The following LHFPL3 variants were observed in gnomAD, a reference collection of about 807,000 sequenced individuals.
The protein encoded by LHFPL3 is LHFPL tetraspan subfamily member 3 protein.
Under a neutral mutation model 19.3 loss-of-function variants are expected in LHFPL3, and 5 were observed. That is an observed-to-expected ratio of 0.26 (90% CI 0.14 to 0.54). The LOEUF (loss-of-function observed/expected upper bound fraction) is 0.54. Among genes scored for constraint, LHFPL3 ranks in the 20% least tolerant of loss-of-function variants. The pLI is 0.94. For missense variants in LHFPL3, 249 were observed against 307.4 expected (o/e 0.81, Z 1.42); for synonymous variants, 133 against 126.2 (o/e 1.05, Z -0.36).
At chr7:104,535,371 G>A (rs1436708545) in intron 1 of LHFPL3, among the ~76,000 whole-genome samples, 1 of 152,146 alleles carries the variant, frequency 6.6e-6, no homozygotes, top group Non-Finnish European at 1.5e-5. Flanking sequence ...CCAATGAAAT[G>A]TATCAAAATG....
intron 2 of LHFPL3, among the ~76,000 whole-genome samples, chr7:104,864,094 A>G (rs1445368137): frequency 1.3e-5 from 2 of 152,236 alleles, no homozygotes; most frequent in East Asian, 1.9e-4. Context: ...AAACTTCAAC[A>G]AATAAACAGA....
At chr7:104,662,558 G>T (rs1562960553) in intron 1 of LHFPL3, among the ~76,000 whole-genome samples, 2 of 152,108 alleles carry the variant, frequency 1.3e-5, no homozygotes, top group Admixed American at 1.3e-4. Flanking sequence ...CTCTATAACT[G>T]TGTCTCATGA....
chr7:104,849,488 C>T (rs2116610678), intron 2 of LHFPL3, among the ~76,000 whole-genome samples: 1 of 152,316 alleles, frequency 6.6e-6, no homozygotes, highest in East Asian at 1.9e-4. Flanking sequence ...GGGCCAAGGC[C>T]CTTGGCCCAC....
At chr7:104,454,447 C>T (rs576826456) in intron 1 of LHFPL3, among the ~76,000 whole-genome samples, 35 of 152,278 alleles carry the variant, frequency 2.3e-4, no homozygotes, top group African/African-American at 7.7e-4. Flanking sequence ...CTGCTAGTCC[C>T]TACTTGAGTT....
intron 1 of LHFPL3, among the ~76,000 whole-genome samples, chr7:104,454,500 C>T (rs1422652848): frequency 2.6e-5 from 4 of 152,104 alleles, no homozygotes; most frequent in Non-Finnish European, 4.4e-5. Flanking sequence ...TCAGGAGTAC[C>T]TAGAGGTAAT....
chr7:104,444,012 A>G lies in LHFPL3; in HGVS notation c.445+114788A>G, dbSNP rs1792278764. ...CATTGATCATCGCTGTGTAATATGG[A>G]TTTGCAAATTGGCACAGCCTTTGGG... On this transcript the variant is annotated intron_variant, in intron 1 of 2. Transcript: ENST00000424859. Among the ~76,000 whole-genome samples the G allele has an allele frequency of 3.3e-5, 5 of 152,230 alleles. No individual in the cohort carries two copies. In the South Asian group the frequency reaches 1.0e-3, roughly 32 times the overall value.
intron 2 of LHFPL3, among the ~76,000 whole-genome samples, chr7:104,818,252 C>T (rs188023226): frequency 9.2e-5 from 14 of 152,196 alleles, no homozygotes; most frequent in Admixed American, 8.5e-4. Flanking sequence ...CTTTACCACC[C>T]TCTAGGTAAC....
chr7:104,637,363 A>G (rs571132448), intron 1 of LHFPL3, among the ~76,000 whole-genome samples: 90 of 152,180 alleles, frequency 5.9e-4, no homozygotes, highest in African/African-American at 1.9e-3. Flanking sequence ...TTCTTTTGCC[A>G]TGCAGAAGCT....
chr7:104,801,489 T>A (rs533284104), intron 2 of LHFPL3, among the ~76,000 whole-genome samples: 4 of 152,362 alleles, frequency 2.6e-5, no homozygotes, highest in African/African-American at 9.6e-5. Flanking sequence ...CTATTTTAAC[T>A]TGGAAGAGAC....
At chr7:104,662,411 G>A (rs769229778) in intron 1 of LHFPL3, among the ~76,000 whole-genome samples, 5 of 152,142 alleles carry the variant, frequency 3.3e-5, no homozygotes, top group Non-Finnish European at 7.4e-5. Context: ...AAGTATGCAA[G>A]TGCTATTATT....
chr7:104,575,320 G>C (rs143079859), intron 1 of LHFPL3, among the ~76,000 whole-genome samples: 1 of 151,764 alleles, frequency 6.6e-6, no homozygotes, highest in Non-Finnish European at 1.5e-5. Flanking sequence ...TCTGTTCAAG[G>C]GTTTTCATTA....
chr7:104,503,744 A>C (rs1009761901), intron 1 of LHFPL3, among the ~76,000 whole-genome samples: 1 of 152,016 alleles, frequency 6.6e-6, no homozygotes, highest in Middle Eastern at 3.4e-3. Flanking sequence ...TAATTTTTGT[A>C]TTTTTGGTAG....
Position 104,601,757 on chromosome 7 carries a change from G to T in LHFPL3, c.446-134918G>T, listed in dbSNP as rs145610791. The stretch of plus-strand genomic sequence containing the variant: ...CTCCAGTTAGAGTGCCCCAAGAACA[G>T]CCAGACCTGGTCCTCACCATACTTT... On this transcript the variant is annotated intron_variant, in intron 1 of 2. Transcript: ENST00000424859. 2.6e-3 allele frequency among the ~76,000 whole-genome samples: 391 copies of T among 152,228 alleles called. 1 individual carries two copies. Among genetic ancestry groups the T allele is most frequent in the African/African-American group, 7.1e-3 (296 of 41,538 alleles).
intron 2 of LHFPL3, among the ~76,000 whole-genome samples, chr7:104,870,274 G>A (rs1791807204): frequency 6.6e-6 from 1 of 152,124 alleles, no homozygotes; most frequent in South Asian, 2.1e-4. Context: ...ACAAAAGACA[G>A]CATTGAATAC....
intron 1 of LHFPL3, among the ~76,000 whole-genome samples, chr7:104,609,780 G>A (rs1431184724): frequency 6.6e-6 from 1 of 152,144 alleles, no homozygotes; most frequent in Non-Finnish European, 1.5e-5. Context: ...AAAAAGTGCA[G>A]TAATTTAATA....
chr7:104,814,000 T>C (rs1790521432), intron 2 of LHFPL3, among the ~76,000 whole-genome samples: 1 of 152,236 alleles, frequency 6.6e-6, no homozygotes, highest in African/African-American at 2.4e-5. Context: ...GGGTCCCAAG[T>C]TCTTGTCCTG....
At chr7:104,425,684 A>G (rs1009037201) in intron 1 of LHFPL3, among the ~76,000 whole-genome samples, 1 of 152,196 alleles carries the variant, frequency 6.6e-6, no homozygotes, top group Non-Finnish European at 1.5e-5. Context: ...GTTAATTATA[A>G]TGCTAATTTC....
intron 1 of LHFPL3, among the ~76,000 whole-genome samples, chr7:104,594,775 A>T (rs1759967436): frequency 6.6e-6 from 1 of 151,898 alleles, no homozygotes; most frequent in Admixed American, 6.6e-5. Context: ...TACTTGTTTT[A>T]TTTCATTAAT....
chr7:104,633,685 T>A (rs533201087), intron 1 of LHFPL3, among the ~76,000 whole-genome samples: 14 of 152,218 alleles, frequency 9.2e-5, no homozygotes, highest in Non-Finnish European at 1.6e-4. Flanking sequence ...ACATGTACCA[T>A]TTGTTGCTAT....
Sources: allele counts gnomAD v4.1 joint callset (sites outside exome capture counted in the v4.1 genomes callset), GRCh38; gene constraint gnomAD v4.1.1; transcripts MANE v1.5; gene names NCBI Gene and HGNC (gene_info 2026-07-23, HGNC 2026-07-21).